Variants in TPP2 observed in about 807,000 individuals in gnomAD.
TPP2 encodes the protein tripeptidyl peptidase 2, also known as tripeptidyl-peptidase 2.
A neutral mutation model predicts 155.9 loss-of-function variants in TPP2; 34 were observed. The observed-to-expected ratio is 0.22, with a 90% CI of 0.17 to 0.29. The LOEUF (loss-of-function observed/expected upper bound fraction) is 0.29. TPP2 is among the 10% of genes least tolerant of loss of function. The pLI, the probability that TPP2 is intolerant of heterozygous loss-of-function variation, is 1.00. For synonymous variants in TPP2, 510 were observed against 529.4 expected, an observed-to-expected ratio of 0.96 and a Z score of 0.50; for missense variants, 1,028 against 1,522.3, an observed-to-expected ratio of 0.68 and a Z score of 5.40.
At chr13:102,621,343 C>T (rs1881152054) in intron 5 of TPP2, among the ~76,000 whole-genome samples, 1 of 152,108 alleles carries the variant, frequency 6.6e-6, no homozygotes, top group Non-Finnish European at 1.5e-5. Flanking sequence ...AGAAGCTACT[C>T]CATGGACTCT....
At chr13:102,666,745 C>T (rs369918316) in intron 27 of TPP2, among the ~76,000 whole-genome samples, 1 of 127,944 alleles carries the variant, frequency 7.8e-6, no homozygotes, top group African/African-American at 2.8e-5. Context: ...TCTTATTGGT[C>T]TTTATCACTG....
chr13:102,623,574 C>G (rs568124982), intron 6 of TPP2, among the ~76,000 whole-genome samples: 2 of 152,230 alleles, frequency 1.3e-5, no homozygotes, highest in South Asian at 4.2e-4. Flanking sequence ...AAAAAAAATC[C>G]ATCAATAGAA....
intron 1 of TPP2, among the ~76,000 whole-genome samples, chr13:102,601,550 C>G (rs957450593): frequency 3.9e-5 from 6 of 152,296 alleles, no homozygotes; most frequent in African/African-American, 1.2e-4. Flanking sequence ...CAACATAGCC[C>G]AGTAAGCATT....
At chr13:102,658,470 G>T (rs994362355) in intron 25 of TPP2, among the ~76,000 whole-genome samples, 1 of 152,178 alleles carries the variant, frequency 6.6e-6, no homozygotes, top group African/African-American at 2.4e-5. Context: ...AAGTAAAATT[G>T]CAGAGATTGT....
chr13:102,656,601 G>A (rs934477078), intron 24 of TPP2, among the ~76,000 whole-genome samples: 5 of 152,022 alleles, frequency 3.3e-5, no homozygotes, highest in African/African-American at 4.8e-5. Context: ...GGCACATCGC[G>A]GGGACTCAGT....
rs67928668 is a variant in TPP2, at chr13:102,599,986, T to TA, written c.165+2798dup. ...TTCACATTTCTAGAGTTAGATTCCT[T>TA]AAAAAAAAAAAAAAACCTTGTATTA... On this transcript the variant is annotated intron_variant, in intron 1 of 29. Coordinates refer to ENST00000376052, the MANE Select transcript of TPP2 (RefSeq NM_001330588.2). 4.4e-3 allele frequency among the ~76,000 whole-genome samples: 630 copies of TA among 142,644 alleles called. 3 individuals carry two copies. Among genetic ancestry groups the TA allele is most frequent in the African/African-American group, 0.011 (420 of 38,822 alleles). The allele number at this position is 142,644 out of a possible 152,430, so 93.6% of individuals were successfully genotyped here.
At chr13:102,618,066 A>AAT (rs1880881787) in intron 4 of TPP2, among the ~76,000 whole-genome samples, 5 of 152,134 alleles carry the variant, frequency 3.3e-5, no homozygotes, top group African/African-American at 1.2e-4. Flanking sequence ...TACCTAACTT[A>AAT]TTTTTTTATA....
chr13:102,658,381 G>A (rs949653907), intron 25 of TPP2, among the ~76,000 whole-genome samples: 2 of 152,124 alleles, frequency 1.3e-5, no homozygotes, highest in Non-Finnish European at 2.9e-5. Context: ...ATCTCCACTG[G>A]AAGTCAAAGT....
intron 2 of TPP2, among the ~76,000 whole-genome samples, chr13:102,610,674 G>A (rs1234193002): frequency 6.6e-6 from 1 of 152,142 alleles, no homozygotes; most frequent in Non-Finnish European, 1.5e-5. Flanking sequence ...CATTCTCTAA[G>A]GATGATATTC....
chr13:102,660,599 C>T (rs1303141906), intron 25 of TPP2, among the ~76,000 whole-genome samples: 1 of 152,194 alleles, frequency 6.6e-6, no homozygotes, highest in Admixed American at 6.5e-5. Context: ...GAATCCCCAT[C>T]AGGATCCTTT....
intron 26 of TPP2, among the ~76,000 whole-genome samples, chr13:102,664,010 T>G (rs2139591848): frequency 6.6e-6 from 1 of 152,332 alleles, no homozygotes; most frequent in South Asian, 2.1e-4. Flanking sequence ...GACCTTAACC[T>G]AAAGGGCAAG....
intron 11 of TPP2, among the ~76,000 whole-genome samples, chr13:102,634,400 G>A (rs1266083550): frequency 6.6e-6 from 1 of 152,098 alleles, no homozygotes; most frequent in Non-Finnish European, 1.5e-5. Context: ...TTATAGTTGG[G>A]ATAAACAGAC....
intron 1 of TPP2, among the ~76,000 whole-genome samples, chr13:102,599,902 A>G (rs993547052): frequency 3.4e-4 from 52 of 151,660 alleles, no homozygotes; most frequent in Admixed American, 3.0e-3. Flanking sequence ...ACCAGAATAT[A>G]TGTATGCAAT....
intron 9 of TPP2, 99 bp downstream of exon 9, chr13:102,629,708 C>A: frequency 7.1e-7 from 1 of 1,417,672 alleles, no homozygotes. Flanking sequence ...ACGTAAGACA[C>A]TGTACACCTT....
intron 2 of TPP2, among the ~76,000 whole-genome samples, chr13:102,613,886 GTAT>G (rs1880506565): frequency 6.6e-6 from 1 of 152,112 alleles, no homozygotes; most frequent in Non-Finnish European, 1.5e-5. Context: ...ATAAATGAAG[GTAT>G]TATTCTAGTT....
intron 21 of TPP2, among the ~76,000 whole-genome samples, chr13:102,647,627 A>G (rs773303160): frequency 4.6e-5 from 7 of 152,078 alleles, no homozygotes; most frequent in Non-Finnish European, 1.0e-4. Context: ...TCTCCTTCCT[A>G]TACACTGATT....
chr13:102,599,431 A>G (rs560908615), intron 1 of TPP2, among the ~76,000 whole-genome samples: 5 of 152,186 alleles, frequency 3.3e-5, no homozygotes, highest in East Asian at 1.9e-4. Context: ...TTGTAGATAT[A>G]TGTGTACATC....
intron 1 of TPP2, among the ~76,000 whole-genome samples, chr13:102,601,026 G>A (rs1879392179): frequency 6.6e-6 from 1 of 151,980 alleles, no homozygotes; most frequent in Admixed American, 6.6e-5. Context: ...CAGTAGCTGG[G>A]ACCATAAGCA....
intron 7 of TPP2, 106 bp downstream of exon 7, chr13:102,627,272 A>G (rs1055535821): frequency 2.2e-5 from 24 of 1,078,250 alleles, no homozygotes; most frequent in Non-Finnish European, 2.8e-5. Flanking sequence ...TGAACTATAT[A>G]TAGTGTACAG....
Sources: gnomAD v4.1 joint callset for allele counts (sites outside exome capture counted in the v4.1 genomes callset) on GRCh38, gnomAD v4.1.1 for gene constraint, MANE v1.5 for transcripts, NCBI Gene and HGNC (gene_info 2026-07-23, HGNC 2026-07-21) for gene names.